MROH7: variants seen among roughly 807,000 people sequenced by gnomAD.
MROH7 encodes maestro heat-like repeat-containing protein family member 7.
Under a neutral mutation model 129.2 loss-of-function variants are expected in MROH7, and 113 were observed. The ratio of observed to expected loss-of-function variants is 0.87; its 90% confidence interval spans 0.75 to 1.02. The LOEUF (loss-of-function observed/expected upper bound fraction) is 1.02, where lower values mean the gene tolerates loss of function less well. Among genes scored for constraint, MROH7 ranks in the 50% least tolerant of loss-of-function variants. The pLI is 0.00. For missense variants in MROH7, 1,601 were observed against 1,671.3 expected (o/e 0.96, Z 0.73); for synonymous variants, 655 against 667.9 (o/e 0.98, Z 0.30).
intron 13 of MROH7, among the ~76,000 whole-genome samples, chr1:54,682,071 T>G (rs922148289): frequency 6.6e-6 from 1 of 152,192 alleles, no homozygotes. Flanking sequence ...CAGTAAATGC[T>G]CAGCTAATAT....
intron 15 of MROH7, among the ~76,000 whole-genome samples, chr1:54,687,631 C>T (rs780969253): frequency 2.6e-4 from 39 of 152,266 alleles, no homozygotes; most frequent in Non-Finnish European, 5.1e-4. Context: ...AAGCTCCTGA[C>T]CATTGCATGA....
At chr1:54,684,304 G>T (rs950627631) in intron 14 of MROH7, among the ~76,000 whole-genome samples, 2 of 152,202 alleles carry the variant, frequency 1.3e-5, no homozygotes, top group African/African-American at 4.8e-5. Context: ...CAATGGTGGT[G>T]CTAGGACTCA....
At position 54,706,448 on chromosome 1, in the gene MROH7, G is replaced by T; in HGVS notation, c.3578G>T (p.Arg1193Leu). 6.2e-7 allele frequency: 1 copy of T among 1,613,538 alleles called. No individual in the cohort carries two copies. Residue 1193 changes from arginine (R) to leucine (L), a missense_variant, in exon 22 of 24, where the codon CGA (arginine) becomes CTA (leucine). Transcript: ENST00000421030. ...KICKCLVNTH[R>L]DSAFIFLSQS... ...TCTTTGTCCTAGGTGAACACCCACCGAGACAGCGCCTTCATATTCCTCAGC... is the reference window on the plus strand; with the variant it reads ...TCTTTGTCCTAGGTGAACACCCACCTAGACAGCGCCTTCATATTCCTCAGC...
chr1:54,651,660 C>T (rs1008924965), intron 1 of MROH7: 1 of 152,324 alleles, frequency 6.6e-6, no homozygotes, highest in African/African-American at 2.4e-5. Flanking sequence ...CTAAAGATAA[C>T]AGGAAGCCAT....
intron 1 of MROH7, among the ~76,000 whole-genome samples, chr1:54,645,629 A>ATTTCT (rs1197148087): frequency 7.8e-6 from 1 of 128,926 alleles, no homozygotes; most frequent in Admixed American, 8.1e-5. Context: ...CTCCAATGAT[A>ATTTCT]TTTCTTTTCT....
In MROH7 at chr1:54,703,961, G is replaced by A. The variant is rs1645480009; in HGVS notation, c.3564+1216G>A. 6.6e-6 allele frequency among the ~76,000 whole-genome samples: 1 copy of A among 152,170 alleles called. No individual in the cohort carries two copies. The highest frequency in any genetic ancestry group is 2.4e-5 in the African/African-American group (1 of 41,436). The stretch of plus-strand genomic sequence containing the variant: ...TGTCACTGGATGCCAGTCACCCTGG[G>A]AAGGGCTTGACCTTGGGCCAGGCAG... On this transcript the variant is annotated intron_variant, in intron 21 of 23. Transcript: ENST00000421030. The surrounding 1 kb of genome is among the most constrained non-coding windows in gnomAD (Gnocchi z 4.4).
chr1:54,702,770 G>T, intron 21 of MROH7, 25 bp downstream of exon 21: 1 of 1,594,282 alleles, frequency 6.3e-7, no homozygotes, highest in South Asian at 1.1e-5. Context: ...AGAGTAGAGT[G>T]GTTCCTTACA....
At position 54,710,189 on chromosome 1, in the gene MROH7, G is replaced by A. The variant is rs769278733; in HGVS notation, c.*2G>A. On this transcript the variant is annotated 3_prime_UTR_variant, in exon 24 of 24. Coordinates refer to ENST00000421030, the MANE Select transcript of MROH7 (RefSeq NM_001039464.4). ...TGGAAGATGTCCTTGAAGAAGTGAC[G>A]TCCCTGAGCCCCAAACCCTCCTCAG... The A allele has an allele frequency of 4.5e-5, 73 of 1,609,926 alleles. No individual in the cohort carries two copies. Among genetic ancestry groups the A allele is most frequent in the Non-Finnish European group, 5.9e-5 (70 of 1,179,262 alleles).
intron 14 of MROH7, among the ~76,000 whole-genome samples, chr1:54,684,275 C>A (rs1645113529): frequency 6.6e-6 from 1 of 152,176 alleles, no homozygotes; most frequent in African/African-American, 2.4e-5. Flanking sequence ...CCATGTCTCC[C>A]CCCAGGTCAC....
chr1:54,708,318 T>G (rs1042342263), intron 22 of MROH7, among the ~76,000 whole-genome samples: 1 of 152,176 alleles, frequency 6.6e-6, no homozygotes, highest in African/African-American at 2.4e-5. Flanking sequence ...TCCTAGCTAC[T>G]CAGGAGGCTG....
intron 2 of MROH7, among the ~76,000 whole-genome samples, chr1:54,652,232 T>C (rs1644569463): frequency 1.3e-5 from 2 of 152,168 alleles, no homozygotes; most frequent in Admixed American, 6.5e-5. Flanking sequence ...TTCTAGCAAC[T>C]TAGGAGTTTG....
chr1:54,645,892 A>G (rs1215053376), intron 1 of MROH7, among the ~76,000 whole-genome samples: 4 of 151,820 alleles, frequency 2.6e-5, no homozygotes, highest in African/African-American at 9.7e-5. Context: ...AGCTCAAATG[A>G]TCCACCCACC....
chr1:54,669,249 T>G (rs1172756), intron 5 of MROH7, among the ~76,000 whole-genome samples: 8,394 of 152,174 alleles, frequency 0.055, 803 homozygotes, highest in African/African-American at 0.19. Flanking sequence ...CCCAGAAGCA[T>G]TTCTTATTAC....
At chr1:54,704,115 G>C (rs1186189970) in intron 21 of MROH7, among the ~76,000 whole-genome samples, 3 of 152,190 alleles carry the variant, frequency 2.0e-5, no homozygotes, top group Non-Finnish European at 2.9e-5. Flanking sequence ...ATTGTTACTG[G>C]ACTGAGAAAA....
At position 54,702,147 on chromosome 1, in the gene MROH7, C is replaced by T; in HGVS notation, c.3343C>T (p.Leu1115Phe). The T allele has an allele frequency of 6.2e-7, 1 of 1,611,768 alleles. No homozygotes were observed. Among genetic ancestry groups the T allele is most frequent in the African/African-American group, 1.3e-5 (1 of 74,858 alleles). Residue 1115 changes from leucine (L) to phenylalanine (F), a missense_variant, in exon 20 of 24, where the codon CTT becomes TTT. Transcript: ENST00000421030. Reference protein sequence around the residue: ...INLYGKVVQKLRAPRTQAMEE... With the variant: ...INLYGKVVQKFRAPRTQAMEE... ...CCTGTATGGGAAGGTGGTCCAGAAGCTTCGGGCACCACGCACTCAGGCCAT... is the reference window on the plus strand; with the variant it reads ...CCTGTATGGGAAGGTGGTCCAGAAGTTTCGGGCACCACGCACTCAGGCCAT...
At chr1:54,671,955 T>C (rs1644909771) in intron 7 of MROH7, among the ~76,000 whole-genome samples, 1 of 150,816 alleles carries the variant, frequency 6.6e-6, no homozygotes, top group Non-Finnish European at 1.5e-5. Context: ...TAGATGGGGG[T>C]CAGGGGTTGT....
chr1:54,653,601 C>T lies in MROH7; in HGVS notation c.675C>T (p.Thr225=). 6.2e-7 allele frequency: 1 copy of T among 1,614,188 alleles called. No individual in the cohort carries two copies. Among genetic ancestry groups the T allele is most frequent in the Non-Finnish European group, 8.5e-7 (1 of 1,180,032 alleles). The change falls in exon 3 of 24, where the codon ACC becomes ACT. Residue 225 remains threonine, a synonymous_variant. Coordinates refer to ENST00000421030, the MANE Select transcript of MROH7 (RefSeq NM_001039464.4). ...TGCTCAACATGGGCTCAAGAAACAC[C>T]TCCAAGCTGAACCTGAATGTAGCTC... ...NPLLNMGSRN[T]SKLNLNVAPD...
chr1:54,652,152 C>T (rs1034591585), intron 2 of MROH7, among the ~76,000 whole-genome samples, 169 bp downstream of exon 2: 1 of 152,134 alleles, frequency 6.6e-6, no homozygotes, highest in African/African-American at 2.4e-5. Flanking sequence ...AACAAGCAAA[C>T]TGTTAAGGCT....
rs1251609761 is a variant in MROH7, at chr1:54,710,050, C to T, written c.3835C>T (p.His1279Tyr). ...CTGCTGGCAGAACTCCTGGCTGCCG[C>T]ACGGGAACTCATGGGTGTGTTACTC... The part of the protein sequence containing the change: ...ASCWQNSWLP[H>Y]GNSWVCYSAT... Residue 1279 changes from histidine to tyrosine, a missense_variant, in exon 24 of 24, where the codon CAC (histidine) becomes TAC (tyrosine). Transcript: ENST00000421030. 2 of 1,614,100 alleles carry T rather than the reference C, an allele frequency of 1.2e-6. No homozygotes were observed. The highest frequency in any genetic ancestry group is 4.5e-5 in the East Asian group (2 of 44,870).
Sources: allele counts gnomAD v4.1 joint callset (sites outside exome capture counted in the v4.1 genomes callset), GRCh38; gene constraint gnomAD v4.1.1; non-coding constraint Gnocchi (gnomAD v3.1); transcripts MANE v1.5; gene names NCBI Gene and HGNC (gene_info 2026-07-23, HGNC 2026-07-21).